The following ANKS1B variants were observed in gnomAD, a reference collection of about 807,000 sequenced individuals.
ANKS1B encodes ankyrin repeat and sterile alpha motif domain containing 1B.
ANKS1B carries 36 observed loss-of-function variants against 148.3 expected under a neutral mutation model. That is an observed-to-expected ratio of 0.24 (90% CI 0.19 to 0.32). ANKS1B has a LOEUF of 0.32. Ranked by LOEUF, ANKS1B falls within the 10% of genes least tolerant of loss-of-function variation. ANKS1B has a pLI of 1.00. For missense variants in ANKS1B, 1,157 were observed against 1,542.6 expected, an observed-to-expected ratio of 0.75 and a Z score of 4.19; for synonymous variants, 542 against 560.8, an observed-to-expected ratio of 0.97 and a Z score of 0.47.
intron 1 of ANKS1B, among the ~76,000 whole-genome samples, chr12:99,919,391 C>T (rs1234486154): frequency 6.6e-6 from 1 of 152,096 alleles, no homozygotes; most frequent in East Asian, 1.9e-4. Flanking sequence ...TTTCCTTCTT[C>T]ATAGGTATTA....
At chr12:98,897,786 A>G (rs2099766831) in intron 17 of ANKS1B, among the ~76,000 whole-genome samples, 1 of 152,268 alleles carries the variant, frequency 6.6e-6, no homozygotes, top group Non-Finnish European at 1.5e-5. Context: ...TTGCAGCACT[A>G]TTCACAGTAG....
intron 15 of ANKS1B, among the ~76,000 whole-genome samples, chr12:99,112,813 C>T (rs923357717): frequency 7.9e-5 from 12 of 152,182 alleles, no homozygotes; most frequent in Admixed American, 2.0e-4. Context: ...TGTGCTCTTT[C>T]CATGTCGTCC....
chr12:99,388,221 T>G (rs1030736050), intron 12 of ANKS1B, among the ~76,000 whole-genome samples: 2 of 152,232 alleles, frequency 1.3e-5, no homozygotes, highest in Non-Finnish European at 1.5e-5. Context: ...ACATCAATAG[T>G]TTATTTAGGT....
chr12:99,099,520 A>C (rs2057346663), intron 15 of ANKS1B, among the ~76,000 whole-genome samples: 1 of 152,132 alleles, frequency 6.6e-6, no homozygotes, highest in Non-Finnish European at 1.5e-5. Context: ...TCTCACTACA[A>C]GTGTCTTGTG....
At chr12:99,851,828 A>AT (rs769272557) in intron 1 of ANKS1B, among the ~76,000 whole-genome samples, 13 of 152,336 alleles carry the variant, frequency 8.5e-5, no homozygotes, top group Non-Finnish European at 1.5e-4. Flanking sequence ...GTATCAAAGA[A>AT]TACTGTGGTG....
intron 17 of ANKS1B, among the ~76,000 whole-genome samples, chr12:99,034,771 T>G (rs1364466773): frequency 1.3e-5 from 2 of 152,234 alleles, no homozygotes; most frequent in African/African-American, 2.4e-5. Context: ...CATTCATTCA[T>G]ATGTTAATCA....
chr12:98,908,674 A>T (rs2099782712), intron 17 of ANKS1B, among the ~76,000 whole-genome samples: 1 of 152,170 alleles, frequency 6.6e-6, no homozygotes, highest in South Asian at 2.1e-4. Flanking sequence ...GTCACCATGG[A>T]CAGACTAAAA....
rs918326857 is a variant in ANKS1B, at chr12:99,404,083, A to G, written c.1576-4272T>C. Among the ~76,000 whole-genome samples, 14 of 146,420 alleles carry G rather than the reference A, an allele frequency of 9.6e-5. 3 individuals carry two copies. Among genetic ancestry groups the G allele is most frequent in the Non-Finnish European group, 1.8e-4 (12 of 66,292 alleles). Reference sequence around the variant, plus strand: ...TAGCAAACTAACACAAGAACAGAAAACCAAATATTGCATGTTCTCACTTAT... The same window carrying G: ...TAGCAAACTAACACAAGAACAGAAAGCCAAATATTGCATGTTCTCACTTAT... On this transcript the variant is annotated intron_variant, in intron 11 of 26. Coordinates refer to ENST00000683438, the MANE Select transcript of ANKS1B (RefSeq NM_001352186.2).
intron 8 of ANKS1B, among the ~76,000 whole-genome samples, chr12:99,730,055 G>T (rs1439179124): frequency 6.6e-6 from 1 of 152,180 alleles, no homozygotes; most frequent in East Asian, 1.9e-4. Flanking sequence ...GTTTTGGCAG[G>T]ACTCTTTTTG....
At chr12:99,753,813 G>A (rs7488193) in intron 8 of ANKS1B, among the ~76,000 whole-genome samples, 66,329 of 151,780 alleles carry the variant, frequency 0.44, 14,894 homozygotes, top group South Asian at 0.61. Flanking sequence ...CCTGAGGTCA[G>A]GAGTTCGAGA....
intron 1 of ANKS1B, among the ~76,000 whole-genome samples, chr12:99,903,690 CA>C (rs1244612200): frequency 2.0e-5 from 3 of 151,824 alleles, no homozygotes; most frequent in Admixed American, 2.0e-4. Flanking sequence ...ACTCAATATA[CA>C]AAGTTGCCAA....
At chr12:99,462,254 T>C (rs1032254541) in intron 10 of ANKS1B, among the ~76,000 whole-genome samples, 3 of 152,206 alleles carry the variant, frequency 2.0e-5, no homozygotes, top group Admixed American at 1.3e-4. Flanking sequence ...CTGAAGAGAA[T>C]GGACTGACCC....
intron 12 of ANKS1B, among the ~76,000 whole-genome samples, chr12:99,264,967 T>C (rs1948126325): frequency 1.3e-5 from 2 of 152,162 alleles, no homozygotes; most frequent in Non-Finnish European, 2.9e-5. Flanking sequence ...GGCTGTTCAG[T>C]AGAATTTTCT....
chr12:99,099,482 G>A (rs764476909), intron 15 of ANKS1B, among the ~76,000 whole-genome samples: 19 of 152,212 alleles, frequency 1.2e-4, no homozygotes, highest in East Asian at 3.9e-4. Context: ...TAGGAGGCAC[G>A]GTCCAGGGTG....
intron 11 of ANKS1B, among the ~76,000 whole-genome samples, chr12:99,427,448 GCTAA>G (rs527547787): frequency 3.3e-4 from 50 of 152,142 alleles, no homozygotes; most frequent in Non-Finnish European, 5.4e-4. Flanking sequence ...TCTTTTCATG[GCTAA>G]CTGTTTCTCC....
At chr12:99,408,885 T>C (rs2152655605) in intron 11 of ANKS1B, among the ~76,000 whole-genome samples, 1 of 128,390 alleles carries the variant, frequency 7.8e-6, no homozygotes, top group Admixed American at 7.6e-5. Context: ...AATGAAACCC[T>C]TGTAAACTGC....
intron 10 of ANKS1B, among the ~76,000 whole-genome samples, chr12:99,492,975 G>A (rs551789274): frequency 6.6e-6 from 1 of 152,234 alleles, no homozygotes; most frequent in South Asian, 2.1e-4. Flanking sequence ...TTGAAAACTG[G>A]CACAAGATAG....
intron 17 of ANKS1B, among the ~76,000 whole-genome samples, chr12:98,854,508 T>C (rs1374830554): frequency 6.6e-6 from 1 of 152,176 alleles, no homozygotes; most frequent in Non-Finnish European, 1.5e-5. Flanking sequence ...CCATCCCCTG[T>C]TTTACAAAGA....
At chr12:99,733,385 C>T (rs1178834001) in intron 8 of ANKS1B, among the ~76,000 whole-genome samples, 1 of 152,108 alleles carries the variant, frequency 6.6e-6, no homozygotes, top group East Asian at 1.9e-4. Context: ...AGCAGAGCCA[C>T]TTATGAGTGA....
Sources: gnomAD v4.1 joint callset for allele counts (sites outside exome capture counted in the v4.1 genomes callset) on GRCh38, gnomAD v4.1.1 for gene constraint, MANE v1.5 for transcripts, NCBI Gene and HGNC (gene_info 2026-07-23, HGNC 2026-07-21) for gene names.